Variants in ABLIM3 observed in about 807,000 individuals in gnomAD.
The protein encoded by ABLIM3 is actin-binding LIM protein 3.
In ABLIM3, 61 loss-of-function variants were observed where a neutral mutation model predicts 109.5. The ratio of observed to expected loss-of-function variants is 0.56; its 90% CI spans 0.45 to 0.69. The LOEUF is 0.69. Among genes scored for constraint, ABLIM3 ranks in the 30% least tolerant of loss-of-function variants. ABLIM3 has a pLI of 0.00. For missense variants in ABLIM3, 796 were observed against 889.5 expected (o/e 0.89, Z 1.34); for synonymous variants, 300 against 324.8 (o/e 0.92, Z 0.82).
chr5:149,176,096 A>G (rs942405881), intron 2 of ABLIM3, among the ~76,000 whole-genome samples: 1 of 152,134 alleles, frequency 6.6e-6, no homozygotes, highest in Non-Finnish European at 1.5e-5. Context: ...AGGGGTTCCC[A>G]GAGGACTCGT....
chr5:149,195,386 C>T (rs73276874), intron 3 of ABLIM3, among the ~76,000 whole-genome samples: 265 of 152,346 alleles, frequency 1.7e-3, no homozygotes, highest in African/African-American at 6.0e-3. Flanking sequence ...TTCACTCAGC[C>T]TCAGATCCAT....
chr5:149,207,138 G>C lies in ABLIM3; in HGVS notation c.575+4G>C, dbSNP rs753504994. On this transcript the variant is annotated splice_donor_region_variant and intron_variant, in intron 6 of 23. Transcript: ENST00000309868. ...TCACCGGGGAGTATATCAGCAAGTG[G>C]GTCCCCCTGCTCCTGCCCCAGCTGC... The C allele has an allele frequency of 1.2e-6, 2 of 1,612,344 alleles. No homozygotes were observed. Among genetic ancestry groups the C allele is most frequent in the African/African-American group, 2.7e-5 (2 of 74,846 alleles).
At position 149,258,932 on chromosome 5, in the gene ABLIM3, G is replaced by A. The variant is rs55894852; in HGVS notation, c.*528G>A. 58,860 of 990,186 alleles carry A rather than the reference G, an allele frequency of 0.059. 4,576 individuals are homozygous for A. The highest frequency in any genetic ancestry group is 0.35 in the African/African-American group (20,306 of 57,304). The allele number at this position is 990,186 out of a possible 1,614,324, so 61.3% of individuals were successfully genotyped here. On this transcript the variant is annotated 3_prime_UTR_variant, in exon 24 of 24. Coordinates refer to ENST00000309868, the MANE Select transcript of ABLIM3 (RefSeq NM_014945.5). Reference sequence around the variant, plus strand: ...CTCAGTGCTCTCTTGGGGCAATGCAGTTAAAAGGGTGAGCCTCAAATCTAG... The same window carrying A: ...CTCAGTGCTCTCTTGGGGCAATGCAATTAAAAGGGTGAGCCTCAAATCTAG...
At position 149,142,101 on chromosome 5, in the gene ABLIM3, C is replaced by T. The variant is rs756794816; in HGVS notation, c.6C>T (p.Asn2=). M[N]TSIPYQQNPY... ...CCCAGTGCAAAGACATCACCATGAA[C>T]ACTAGCAGTAAGTGGATCCTCCTCT... Residue 2 remains asparagine, a synonymous_variant, in exon 2 of 24, where the codon AAC becomes AAT. Coordinates refer to ENST00000309868, the MANE Select transcript of ABLIM3 (RefSeq NM_014945.5). 1.2e-6 allele frequency: 2 copies of T among 1,612,440 alleles called. No individual in the cohort carries two copies. Among genetic ancestry groups the T allele is most frequent in the Admixed American group, 3.3e-5 (2 of 59,936 alleles).
intron 2 of ABLIM3, among the ~76,000 whole-genome samples, chr5:149,143,812 AT>A (rs1463529856): frequency 2.0e-5 from 3 of 152,130 alleles, no homozygotes; most frequent in Non-Finnish European, 4.4e-5. Flanking sequence ...ACATGTTTGC[AT>A]TTGCATGTTT....
intron 8 of ABLIM3, among the ~76,000 whole-genome samples, chr5:149,227,020 A>G (rs1388423233): frequency 6.6e-6 from 1 of 150,810 alleles, no homozygotes; most frequent in Non-Finnish European, 1.5e-5. Flanking sequence ...CAATGAGCCA[A>G]GATCGTGCCA....
chr5:149,207,172 C>G (rs1316053048), intron 6 of ABLIM3, 38 bp downstream of exon 6: 1 of 1,603,082 alleles, frequency 6.2e-7, no homozygotes, highest in Admixed American at 1.7e-5. Flanking sequence ...GCCTGGGCCT[C>G]TGCATTCTGT....
At chr5:149,169,322 A>G (rs1474843322) in intron 2 of ABLIM3, among the ~76,000 whole-genome samples, 1 of 152,064 alleles carries the variant, frequency 6.6e-6, no homozygotes, top group Non-Finnish European at 1.5e-5. Flanking sequence ...ATCAAGACCC[A>G]GATTCCTTCC....
At chr5:149,196,508 G>A (rs1330165067) in intron 3 of ABLIM3, among the ~76,000 whole-genome samples, 1 of 152,226 alleles carries the variant, frequency 6.6e-6, no homozygotes, top group Non-Finnish European at 1.5e-5. Context: ...TGGATGAGAG[G>A]TGTGACCTTG....
rs142336518 is a variant in ABLIM3, at chr5:149,162,535, G to T, written c.13+20427G>T. Among the ~76,000 whole-genome samples, 100 of 152,316 alleles carry T rather than the reference G, an allele frequency of 6.6e-4. 2 individuals carry two copies. The East Asian group carries it at 0.019, about 28-fold the overall frequency. ...GCTTCTTCTCTTTGTGTCTGGAAGG[G>T]CGTGAGCAATCCAGACCAGAAAGAA... On this transcript the variant is annotated intron_variant, in intron 2 of 23. Transcript: ENST00000309868.
intron 2 of ABLIM3, among the ~76,000 whole-genome samples, chr5:149,170,258 C>CTCTCCT (rs1554082433): frequency 1.9e-4 from 29 of 151,284 alleles, no homozygotes; most frequent in Non-Finnish European, 3.4e-4. Flanking sequence ...CTCTCTCTCT[C>CTCTCCT]TCTCTCCTTC....
chr5:149,205,459 G>A (rs148850638), intron 5 of ABLIM3, among the ~76,000 whole-genome samples: 68 of 152,258 alleles, frequency 4.5e-4, no homozygotes, highest in Non-Finnish European at 6.9e-4. Flanking sequence ...AGAGATACAA[G>A]TTCAGTATTA....
At chr5:149,142,153 G>T (rs201667701) in intron 2 of ABLIM3, 45 bp downstream of exon 2, 1 of 1,590,838 alleles carries the variant, frequency 6.3e-7, no homozygotes. Context: ...AGGGGTGGGG[G>T]CGGGAGGTGA....
intron 23 of ABLIM3, among the ~76,000 whole-genome samples, chr5:149,255,702 T>C (rs1184908083): frequency 1.3e-5 from 2 of 152,156 alleles, no homozygotes; most frequent in African/African-American, 2.4e-5. Context: ...AGGGAGCTTG[T>C]TGTGTTTGAA....
chr5:149,233,654 A>G (rs1170637131), intron 10 of ABLIM3, among the ~76,000 whole-genome samples: 2 of 152,214 alleles, frequency 1.3e-5, no homozygotes, highest in Non-Finnish European at 2.9e-5. Flanking sequence ...AAAACTGAGG[A>G]TCAAAGTGGT....
At chr5:149,174,156 T>C (rs528133830) in intron 2 of ABLIM3, among the ~76,000 whole-genome samples, 9 of 152,142 alleles carry the variant, frequency 5.9e-5, no homozygotes, top group Admixed American at 1.3e-4. Context: ...TCTAGGGAAT[T>C]TCCCTGAACG....
At chr5:149,228,976 A>G (rs894724051) in intron 8 of ABLIM3, among the ~76,000 whole-genome samples, 6 of 152,020 alleles carry the variant, frequency 3.9e-5, no homozygotes, top group Non-Finnish European at 8.8e-5. Context: ...GATCTTTCCT[A>G]TGTCTCTTTA....
intron 2 of ABLIM3, among the ~76,000 whole-genome samples, chr5:149,168,237 G>T (rs967979473): frequency 1.3e-5 from 2 of 152,214 alleles, no homozygotes; most frequent in African/African-American, 4.8e-5. Context: ...CTGGGCTATG[G>T]CTGGAAGAGA....
At chr5:149,244,824 A>G (rs1753190876) in intron 15 of ABLIM3, 57 bp from the exon 16 acceptor site, 3 of 1,612,452 alleles carry the variant, frequency 1.9e-6, no homozygotes, top group East Asian at 4.5e-5. Context: ...AAAAGGGTAC[A>G]CAGTCCCATC....
Sources: allele counts gnomAD v4.1 joint callset (sites outside exome capture counted in the v4.1 genomes callset), GRCh38; gene constraint gnomAD v4.1.1; transcripts MANE v1.5; gene names NCBI Gene and HGNC (gene_info 2026-07-23, HGNC 2026-07-21).